Variants in ZC3H7A observed in about 807,000 individuals in gnomAD.
ZC3H7A encodes zinc finger CCCH domain-containing protein 7A.
ZC3H7A carries 44 observed loss-of-function variants against 125.5 expected under a neutral mutation model. That is an observed-to-expected ratio of 0.35 (90% CI 0.28 to 0.45). ZC3H7A has a LOEUF of 0.45. ZC3H7A is among the 20% of genes least tolerant of loss of function. The pLI is 1.00. For missense variants in ZC3H7A, 977 were observed against 1,170.7 expected, an observed-to-expected ratio of 0.83 and a Z score of 2.41; for synonymous variants, 399 against 391.2, an observed-to-expected ratio of 1.02 and a Z score of -0.23.
At chr16:11,771,293 C>T (rs1023289184) in intron 9 of ZC3H7A, among the ~76,000 whole-genome samples, 2 of 151,546 alleles carry the variant, frequency 1.3e-5, no homozygotes, top group Non-Finnish European at 2.9e-5. Flanking sequence ...GAGGCTGAGG[C>T]AGGAGAATTG....
chr16:11,758,552 A>T lies in ZC3H7A; in HGVS notation c.2320-13T>A. On this transcript the variant is annotated splice_polypyrimidine_tract_variant and intron_variant, in intron 19 of 22. Coordinates refer to ENST00000355758, the MANE Select transcript of ZC3H7A (RefSeq NM_014153.4). ...TATGGTTGCACAGCTGTATAAAAAA[A>T]TAGGAATATGATTAAGACAAAGTAC... 2 of 1,594,596 alleles carry T rather than the reference A, an allele frequency of 1.3e-6. No individual in the cohort carries two copies. The highest frequency in any genetic ancestry group is 1.7e-6 in the Non-Finnish European group (2 of 1,163,906).
At chr16:11,789,541 A>C (rs2053315908) in intron 1 of ZC3H7A, among the ~76,000 whole-genome samples, 1 of 152,154 alleles carries the variant, frequency 6.6e-6, no homozygotes, top group Non-Finnish European at 1.5e-5. Context: ...GGCATGAGCC[A>C]CTGCGCCCGG....
rs199622419 is a variant in ZC3H7A at position 11,762,675 on chromosome 16, G to A, written c.2075C>T (p.Ala692Val). 2.7e-4 allele frequency: 432 copies of A among 1,613,540 alleles called. 2 individuals carry two copies. The highest frequency in any genetic ancestry group is 1.5e-3 in the Middle Eastern group (9 of 6,060). The change falls in exon 17 of 23, where the codon GCG (alanine) becomes GTG (valine). Residue 692 changes from alanine to valine, a missense_variant. Transcript: ENST00000355758. ...AAGTACACAAGAGAAAAATACCTGC[G>A]CTCCAGGTACATTTGCTTCCAAATT... ...WQNLEANVPG[A>V]QVLGNQIMPG...
At chr16:11,766,873 ACT>A (rs1361540504) in intron 13 of ZC3H7A, among the ~76,000 whole-genome samples, 2 of 152,170 alleles carry the variant, frequency 1.3e-5, no homozygotes, top group African/African-American at 4.8e-5. Context: ...ACAGAATGAG[ACT>A]CTGTCTCAAA....
rs769616109 is a variant in ZC3H7A at position 11,763,566 on chromosome 16, T to A, written c.1914A>T (p.Glu638Asp). The A allele has an allele frequency of 1.2e-6, 2 of 1,611,904 alleles. No homozygotes were observed. Among genetic ancestry groups the A allele is most frequent in the South Asian group, 2.2e-5 (2 of 90,726 alleles). Residue 638 changes from glutamate to aspartate, a missense_variant, in exon 16 of 23, where the codon GAA becomes GAT. Coordinates refer to ENST00000355758, the MANE Select transcript of ZC3H7A (RefSeq NM_014153.4). ...GQCQLDLCRH[E>D]VRYGCLREDE... ...CTTCCCTTAAACAGCCATACCGAAC[T>A]TCATGTCGACATAAATCAAGCTGAC... is the stretch of plus-strand genomic sequence containing the variant.
intron 6 of ZC3H7A, 41 bp downstream of exon 6, chr16:11,776,411 A>G (rs1295763218): frequency 6.2e-7 from 1 of 1,600,998 alleles, no homozygotes; most frequent in African/African-American, 1.4e-5. Flanking sequence ...CCAAGTTCTA[A>G]AACAAAATGA....
intron 1 of ZC3H7A, among the ~76,000 whole-genome samples, chr16:11,788,044 T>C (rs1428890573): frequency 1.3e-5 from 2 of 152,002 alleles, no homozygotes; most frequent in Admixed American, 6.6e-5. Context: ...TTTAAAAATA[T>C]ACTATCTTAT....
At chr16:11,777,000 C>T in intron 4 of ZC3H7A, 91 bp from the exon 5 acceptor site, 1 of 1,032,714 alleles carries the variant, frequency 9.7e-7, no homozygotes, top group Non-Finnish European at 1.3e-6. Context: ...ATTAATACCC[C>T]ATCCTATTAC....
intron 11 of ZC3H7A, 26 bp from the exon 12 acceptor site, chr16:11,768,527 A>G: frequency 1.4e-6 from 2 of 1,451,000 alleles, no homozygotes; most frequent in Non-Finnish European, 1.8e-6. Context: ...GAAGAAAAAA[A>G]AAAAAAACAG....
At chr16:11,762,458 T>A (rs2052768508) in intron 17 of ZC3H7A, among the ~76,000 whole-genome samples, 1 of 152,162 alleles carries the variant, frequency 6.6e-6, no homozygotes, top group African/African-American at 2.4e-5. Context: ...GAAAACAGTG[T>A]CCTACACTCT....
intron 3 of ZC3H7A, among the ~76,000 whole-genome samples, chr16:11,780,349 G>A (rs1308114963): frequency 6.6e-6 from 1 of 151,900 alleles, no homozygotes; most frequent in African/African-American, 2.4e-5. Context: ...TCAAACTCCT[G>A]GTCTCAAGTG....
chr16:11,788,583 C>T (rs1046959117), intron 1 of ZC3H7A, among the ~76,000 whole-genome samples: 1 of 151,644 alleles, frequency 6.6e-6, no homozygotes, highest in African/African-American at 2.4e-5. Context: ...TCAGAAAAGT[C>T]CAGACAAATA....
At chr16:11,778,862 C>T (rs1489809420) in intron 4 of ZC3H7A, among the ~76,000 whole-genome samples, 4 of 152,032 alleles carry the variant, frequency 2.6e-5, no homozygotes, top group African/African-American at 9.7e-5. Context: ...TACATGCACA[C>T]GCCACCATGC....
chr16:11,766,799 C>T (rs1053217674), intron 13 of ZC3H7A, among the ~76,000 whole-genome samples: 1 of 152,120 alleles, frequency 6.6e-6, no homozygotes, highest in Non-Finnish European at 1.5e-5. Context: ...AAGAGAATCA[C>T]TTGAACCCAG....
intron 1 of ZC3H7A, among the ~76,000 whole-genome samples, chr16:11,786,005 G>C (rs917216687): frequency 6.6e-6 from 1 of 152,316 alleles, no homozygotes; most frequent in Admixed American, 6.5e-5. Flanking sequence ...GGAATCATGG[G>C]AGACTACAGC....
At chr16:11,763,985 G>A (rs865890543) in intron 15 of ZC3H7A, among the ~76,000 whole-genome samples, 3 of 151,136 alleles carry the variant, frequency 2.0e-5, no homozygotes, top group Admixed American at 6.6e-5. Flanking sequence ...TAATAGAGAC[G>A]GGGTTTCACC....
chr16:11,776,941 A>G (rs2053090112), intron 4 of ZC3H7A, 32 bp from the exon 5 acceptor site: 3 of 1,519,110 alleles, frequency 2.0e-6, no homozygotes, highest in Admixed American at 4.4e-5. Context: ...TAAAGTCAGC[A>G]ATCAAACAAT....
At chr16:11,777,391 A>G (rs2053098645) in intron 4 of ZC3H7A, among the ~76,000 whole-genome samples, 1 of 152,246 alleles carries the variant, frequency 6.6e-6, no homozygotes, top group Non-Finnish European at 1.5e-5. Context: ...TCTTAAATTC[A>G]TGGTTATATT....
At chr16:11,768,873 G>A (rs545576238) in intron 11 of ZC3H7A, among the ~76,000 whole-genome samples, 158 bp downstream of exon 11, 4 of 152,226 alleles carry the variant, frequency 2.6e-5, no homozygotes, top group South Asian at 4.1e-4. Context: ...ACACAGAGCC[G>A]TTATTACTAG....
Sources: gnomAD v4.1 joint callset for allele counts (sites outside exome capture counted in the v4.1 genomes callset) on GRCh38, gnomAD v4.1.1 for gene constraint, MANE v1.5 for transcripts, NCBI Gene and HGNC (gene_info 2026-07-23, HGNC 2026-07-21) for gene names.